Variants in EPHB1 observed in about 807,000 individuals in gnomAD.
EPHB1 encodes the protein EPH receptor B1.
In EPHB1, 30 loss-of-function variants were observed where a neutral mutation model predicts 94.4. That is an observed-to-expected ratio of 0.32 (90% CI 0.24 to 0.43). The LOEUF (loss-of-function observed/expected upper bound fraction) is 0.43. Among genes scored for constraint, EPHB1 ranks in the 20% least tolerant of loss-of-function variants. The pLI is 1.00. For synonymous variants in EPHB1, 522 were observed against 489.1 expected, an observed-to-expected ratio of 1.07 and a Z score of -0.89; for missense variants, 1,055 against 1,308.3, an observed-to-expected ratio of 0.81 and a Z score of 2.99.
At chr3:135,248,180 C>T (rs905294368) in intron 13 of EPHB1, 136 bp from the exon 14 acceptor site, 14 of 729,228 alleles carry the variant, frequency 1.9e-5, no homozygotes, top group African/African-American at 1.8e-4. Context: ...TCCATTACAG[C>T]GGAAGGTGTG....
At chr3:135,096,479 A>G (rs1938765484) in intron 3 of EPHB1, among the ~76,000 whole-genome samples, 1 of 152,198 alleles carries the variant, frequency 6.6e-6, no homozygotes, top group African/African-American at 2.4e-5. Flanking sequence ...GGAGGATCTG[A>G]GATTCTGTGT....
At chr3:135,011,952 A>G (rs1226127883) in intron 3 of EPHB1, among the ~76,000 whole-genome samples, 1 of 142,864 alleles carries the variant, frequency 7.0e-6, no homozygotes, top group Non-Finnish European at 1.5e-5. Flanking sequence ...TATCCTGACA[A>G]TGCAGTCCAG....
At chr3:134,834,194 C>T (rs1309118918) in intron 1 of EPHB1, among the ~76,000 whole-genome samples, 1 of 152,152 alleles carries the variant, frequency 6.6e-6, no homozygotes, top group Non-Finnish European at 1.5e-5. Context: ...GGACCTTGAT[C>T]TGTTTTGTTC....
chr3:135,226,572 G>A (rs762455902), intron 12 of EPHB1, among the ~76,000 whole-genome samples: 2 of 152,096 alleles, frequency 1.3e-5, no homozygotes, highest in African/African-American at 2.4e-5. Flanking sequence ...TTCCAACCCT[G>A]AATTCGACTC....
chr3:135,178,168 C>T (rs1292925448), intron 9 of EPHB1, among the ~76,000 whole-genome samples: 1 of 149,308 alleles, frequency 6.7e-6, no homozygotes, highest in Non-Finnish European at 1.5e-5. Flanking sequence ...AAATAATCCC[C>T]TCAGGCCAGG....
In EPHB1 at chr3:134,951,699, T is replaced by G; in HGVS notation, c.452T>G (p.Phe151Cys). ...GATGAGAGCTTCTCCCAGGTGGACT[T>G]TGGGGGAAGGCTGATGAAGGTAAAC... Reference protein sequence around the residue: ...AADESFSQVDFGGRLMKVNTE... With the variant: ...AADESFSQVDCGGRLMKVNTE... Residue 151 changes from phenylalanine (F) to cysteine (C), a missense_variant, in exon 3 of 16, where the codon TTT becomes TGT. Coordinates refer to ENST00000398015, the MANE Select transcript of EPHB1 (RefSeq NM_004441.5). The surrounding 1 kb of genome is among the most constrained non-coding windows in gnomAD (Gnocchi z 4.5). 1.9e-6 allele frequency: 3 copies of G among 1,614,036 alleles called. No homozygotes were observed. Among genetic ancestry groups the G allele is most frequent in the Non-Finnish European group, 2.5e-6 (3 of 1,179,940 alleles).
intron 3 of EPHB1, among the ~76,000 whole-genome samples, chr3:135,027,528 C>A (rs1210100070): frequency 1.3e-5 from 2 of 148,812 alleles, no homozygotes; most frequent in South Asian, 2.2e-4. Context: ...TATTGATTTG[C>A]GTATATTGAA....
At chr3:134,887,378 CA>C (rs2037882373) in intron 1 of EPHB1, among the ~76,000 whole-genome samples, 1 of 152,132 alleles carries the variant, frequency 6.6e-6, no homozygotes, top group Non-Finnish European at 1.5e-5. Flanking sequence ...TGCTATTGGT[CA>C]AAGCAAGTCA....
intron 4 of EPHB1, 120 bp downstream of exon 4, chr3:135,106,723 G>A: frequency 1.5e-6 from 2 of 1,303,530 alleles, no homozygotes; most frequent in Non-Finnish European, 2.1e-6. Context: ...CAGAATTGCT[G>A]GCCATGGTGC....
intron 1 of EPHB1, among the ~76,000 whole-genome samples, chr3:134,850,643 A>G (rs1003345742): frequency 2.0e-5 from 3 of 152,170 alleles, no homozygotes; most frequent in African/African-American, 7.2e-5. Context: ...TCTGGGGGCT[A>G]ACTTAGGAGT....
intron 3 of EPHB1, among the ~76,000 whole-genome samples, chr3:134,954,925 G>A (rs1933188657): frequency 2.0e-5 from 3 of 152,114 alleles, no homozygotes; most frequent in Non-Finnish European, 1.5e-5. Context: ...TGTTTCTGTT[G>A]TGAAGAGCGT....
intron 3 of EPHB1, among the ~76,000 whole-genome samples, chr3:135,030,412 T>C (rs1936391195): frequency 6.6e-6 from 1 of 152,202 alleles, no homozygotes; most frequent in Non-Finnish European, 1.5e-5. Flanking sequence ...GGTGTGGATG[T>C]CCTTTCTGTT....
chr3:135,072,394 A>T (rs923047363), intron 3 of EPHB1, among the ~76,000 whole-genome samples: 4 of 152,128 alleles, frequency 2.6e-5, no homozygotes, highest in Non-Finnish European at 5.9e-5. Flanking sequence ...AAAAACAAAC[A>T]AACACTCAAG....
chr3:134,926,918 A>G (rs191170892), intron 2 of EPHB1, among the ~76,000 whole-genome samples: 7 of 152,352 alleles, frequency 4.6e-5, no homozygotes, highest in Admixed American at 6.5e-5. Flanking sequence ...CAAATTGGCA[A>G]TGGATGGACT....
intron 9 of EPHB1, among the ~76,000 whole-genome samples, chr3:135,175,161 C>T (rs916463559): frequency 3.3e-5 from 5 of 152,216 alleles, no homozygotes; most frequent in African/African-American, 1.2e-4. Flanking sequence ...TTCCCTGAGA[C>T]CCTGGCTCTT....
intron 3 of EPHB1, among the ~76,000 whole-genome samples, chr3:135,001,905 T>C (rs1199709886): frequency 6.6e-6 from 1 of 152,224 alleles, no homozygotes; most frequent in Non-Finnish European, 1.5e-5. Flanking sequence ...TTTCCATCTT[T>C]TTGTCATCAA....
At chr3:134,945,955 A>T (rs539287080) in intron 2 of EPHB1, among the ~76,000 whole-genome samples, 123 of 152,322 alleles carry the variant, frequency 8.1e-4, no homozygotes, top group African/African-American at 2.9e-3. Flanking sequence ...AAGAAAAGAG[A>T]GAGGGAAGAG....
chr3:135,098,044 C>T (rs1938872210), intron 3 of EPHB1, among the ~76,000 whole-genome samples: 1 of 152,148 alleles, frequency 6.6e-6, no homozygotes, highest in Admixed American at 6.5e-5. Flanking sequence ...CAACGGCAAC[C>T]CACTCTCCCC....
intron 1 of EPHB1, among the ~76,000 whole-genome samples, chr3:134,845,512 T>G (rs554498029): frequency 1.3e-3 from 196 of 152,326 alleles, no homozygotes; most frequent in Non-Finnish European, 2.4e-3. Flanking sequence ...AGTGAAGAAG[T>G]GCAGGCTCCG....
Sources: gnomAD v4.1 joint callset for allele counts (sites outside exome capture counted in the v4.1 genomes callset) on GRCh38, gnomAD v4.1.1 for gene constraint, Gnocchi (gnomAD v3.1) non-coding constraint, MANE v1.5 for transcripts, NCBI Gene and HGNC (gene_info 2026-07-23, HGNC 2026-07-21) for gene names.